ATPAF2: variants seen among roughly 807,000 people sequenced by gnomAD.
ATPAF2 encodes the protein ATP synthase mitochondrial F1 complex assembly factor 2, also known as ATP12 homolog.
In ATPAF2, 30 loss-of-function variants were observed where a neutral mutation model predicts 36.6. That is an observed-to-expected ratio of 0.82 (90% CI 0.61 to 1.11). ATPAF2 has a LOEUF of 1.11. Among genes scored for constraint, ATPAF2 ranks in the 50% most tolerant of loss-of-function variants. The probability of loss-of-function intolerance (pLI) is 0.00; values close to 1 mark genes in which losing one functional copy is unlikely to be tolerated. For synonymous variants in ATPAF2, 140 were observed against 152.6 expected, an observed-to-expected ratio of 0.92 and a Z score of 0.61; for missense variants, 321 against 372.3, an observed-to-expected ratio of 0.86 and a Z score of 1.13.
Position 18,028,672 on chromosome 17 carries a change from T to G in ATPAF2, c.134-13A>C, listed in dbSNP as rs1477690213. The G allele has an allele frequency of 8.1e-6, 13 of 1,612,900 alleles. No homozygotes were observed. In the Admixed American group the frequency reaches 1.0e-4, roughly 12 times the overall value. On this transcript the variant is annotated splice_polypyrimidine_tract_variant and intron_variant, in intron 1 of 7. Coordinates refer to ENST00000474627, the MANE Select transcript of ATPAF2 (RefSeq NM_145691.4). ...AACCTCTTCCTTTCTGTAAGAAAGA[T>G]TTTTCAAAGAGGCAGTTTAAAATAA...
At chr17:18,037,219 C>A (rs947174154) in intron 1 of ATPAF2, among the ~76,000 whole-genome samples, 2 of 152,192 alleles carry the variant, frequency 1.3e-5, no homozygotes, top group South Asian at 2.1e-4. Context: ...TGGCCCATTT[C>A]CAGGCCCTTC....
chr17:18,035,536 T>C (rs2044691376), intron 1 of ATPAF2, among the ~76,000 whole-genome samples: 1 of 152,228 alleles, frequency 6.6e-6, no homozygotes, highest in African/African-American at 2.4e-5. Flanking sequence ...GTATAGCAAG[T>C]AAATATCTCA....
At position 18,021,117 on chromosome 17, in the gene ATPAF2, C is replaced by T. The variant is rs1249374231; in HGVS notation, c.732+6G>A. ...GGGAGGCGGGACCTGAGGTGCTGCT[C>T]CTCACCTGGTACTCCTCCTCCAGGC... On this transcript the variant is annotated splice_donor_region_variant and intron_variant, in intron 7 of 7. Coordinates refer to ENST00000474627, the MANE Select transcript of ATPAF2 (RefSeq NM_145691.4). The T allele has an allele frequency of 5.0e-6, 8 of 1,611,344 alleles. No homozygotes were observed. Among genetic ancestry groups the T allele is most frequent in the Non-Finnish European group, 5.1e-6 (6 of 1,178,932 alleles).
At chr17:18,033,989 C>T (rs1009249561) in intron 1 of ATPAF2, among the ~76,000 whole-genome samples, 1 of 152,016 alleles carries the variant, frequency 6.6e-6, no homozygotes, top group Non-Finnish European at 1.5e-5. Context: ...CATGGTGGCA[C>T]GTGCCTGTAG....
chr17:18,026,279 G>GCCTCAAT, intron 4 of ATPAF2, 40 bp downstream of exon 4: 1 of 1,547,206 alleles, frequency 6.5e-7, no homozygotes, highest in Admixed American at 1.7e-5. Context: ...AGGAAAAATA[G>GCCTCAAT]CCTCAATCCA....
At chr17:18,018,010 T>G (rs1194113833), downstream of ATPAF2, 1 of 177,090 alleles carries the variant, frequency 5.6e-6, no homozygotes, top group African/African-American at 2.4e-5. Flanking sequence ...AACAACCAGC[T>G]TAGACCACAA....
At chr17:18,027,127 G>A (rs574804245) in intron 3 of ATPAF2, among the ~76,000 whole-genome samples, 43 of 151,890 alleles carry the variant, frequency 2.8e-4, no homozygotes, top group South Asian at 6.2e-4. Flanking sequence ...AGGCTGAGAC[G>A]GGAGAATCGC....
Position 18,018,370 on chromosome 17 carries a change from T to G in ATPAF2, c.*179A>C. 1 of 821,250 alleles carries G rather than the reference T, an allele frequency of 1.2e-6. No homozygotes were observed. Among genetic ancestry groups the G allele is most frequent in the Non-Finnish European group, 1.9e-6 (1 of 522,344 alleles). 50.9% of individuals were successfully genotyped at this position (821,250 alleles called of 1,614,324 possible). Reference sequence around the variant, plus strand: ...CAGGCCAGGGGCACCTGGGTTGAAATCAGGCTGACCTCCGGACAGCCGTAC... The same window carrying G: ...CAGGCCAGGGGCACCTGGGTTGAAAGCAGGCTGACCTCCGGACAGCCGTAC... On this transcript the variant is annotated 3_prime_UTR_variant, in exon 8 of 8. Transcript: ENST00000474627.
intron 1 of ATPAF2, among the ~76,000 whole-genome samples, chr17:18,032,578 T>G (rs1377529257): frequency 6.6e-6 from 1 of 152,192 alleles, no homozygotes; most frequent in Non-Finnish European, 1.5e-5. Context: ...CACTGACACT[T>G]GGAGGGGCAA....
intron 1 of ATPAF2, among the ~76,000 whole-genome samples, chr17:18,032,311 G>A (rs1043947450): frequency 3.3e-5 from 5 of 152,238 alleles, no homozygotes; most frequent in Non-Finnish European, 5.9e-5. Flanking sequence ...TCCTGGGACA[G>A]CCAGGTTTCC....
intron 1 of ATPAF2, 130 bp downstream of exon 1, chr17:18,038,751 A>G (rs2044743838): frequency 1.5e-6 from 2 of 1,343,760 alleles, no homozygotes; most frequent in Non-Finnish European, 2.1e-6. Flanking sequence ...ATCTGTAAAA[A>G]GACCTGACTG....
At chr17:18,024,534 G>T in intron 5 of ATPAF2, 90 bp downstream of exon 5, 1 of 1,068,062 alleles carries the variant, frequency 9.4e-7, no homozygotes, top group Non-Finnish European at 1.4e-6. Context: ...CTAGCTAAGG[G>T]CACTAGTTTT....
Position 18,021,184 on chromosome 17 carries a change from A to G in ATPAF2, c.671T>C (p.Ile224Thr), listed in dbSNP as rs1306863058. 2 of 1,614,020 alleles carry G rather than the reference A, an allele frequency of 1.2e-6. No homozygotes were observed. Among genetic ancestry groups the G allele is most frequent in the Non-Finnish European group, 8.5e-7 (1 of 1,180,002 alleles). The stretch of plus-strand genomic sequence containing the variant: ...CTGCTCCACTGTCAGGCGCAGGTCA[A>G]TCAGGCCCAAGGTTAGCACCATGGA... Reference protein sequence around the residue: ...LKSMVLTLGLIDLRLTVEQAV... With the variant: ...LKSMVLTLGLTDLRLTVEQAV... The change falls in exon 7 of 8, where the codon ATT becomes ACT. Residue 224 changes from isoleucine (I) to threonine (T), a missense_variant. Ile to Thr is a moderately conservative substitution (Grantham distance 89). This residue lies in a region of ATPAF2 where 199 missense variants were observed against 220.6 expected (regional missense o/e 0.90). Transcript: ENST00000474627.
At chr17:18,021,317 A>G in intron 6 of ATPAF2, 79 bp from the exon 7 acceptor site, 1 of 1,067,204 alleles carries the variant, frequency 9.4e-7, no homozygotes, top group Non-Finnish European at 1.4e-6. Context: ...CAGCAGCCCT[A>G]GCAGAGAACA....
downstream of ATPAF2, chr17:18,016,827 C>A: frequency 2.1e-6 from 1 of 483,382 alleles, no homozygotes; most frequent in Non-Finnish European, 3.7e-6. Context: ...GAAAAACTTC[C>A]AAAAGTAGAG....
intron 5 of ATPAF2, among the ~76,000 whole-genome samples, chr17:18,022,594 CTTTT>C (rs34473758): frequency 8.2e-6 from 1 of 121,392 alleles, no homozygotes; most frequent in Non-Finnish European, 1.8e-5. Context: ...TTTTTTCAAA[CTTTT>C]TTTTTTTTTT....
At chr17:18,024,488 C>T in intron 5 of ATPAF2, 136 bp downstream of exon 5, 1 of 768,838 alleles carries the variant, frequency 1.3e-6, no homozygotes, top group Non-Finnish European at 2.3e-6. Context: ...ATGAGGGGAG[C>T]CAAATCCCAC....
chr17:18,020,677 C>A (rs114721422), intron 7 of ATPAF2: 1 of 176,246 alleles, frequency 5.7e-6, no homozygotes, highest in Non-Finnish European at 1.2e-5. Flanking sequence ...TATTATCTTA[C>A]CTTTTTTTTT....
In ATPAF2 at chr17:18,039,014, C is replaced by A. The variant is rs886052665; in HGVS notation, c.-1G>T. ...GCAGCCGGAGGCAGCTCCTCCACAT[C>A]GCGCCCGAGGGTCTGGGAAGATGCG... On this transcript the variant is annotated 5_prime_UTR_variant, in exon 1 of 8. Transcript: ENST00000474627. The surrounding 1 kb of genome is among the most constrained non-coding windows in gnomAD (Gnocchi z 5.3). 56 of 1,599,390 alleles carry A rather than the reference C, an allele frequency of 3.5e-5. No individual in the cohort carries two copies. The highest frequency in any genetic ancestry group is 4.5e-5 in the Non-Finnish European group (53 of 1,172,994).
Sources: allele counts gnomAD v4.1 joint callset (sites outside exome capture counted in the v4.1 genomes callset), GRCh38; gene constraint gnomAD v4.1.1; regional missense constraint gnomAD v4.1.1; non-coding constraint Gnocchi (gnomAD v3.1); transcripts MANE v1.5; gene names NCBI Gene and HGNC (gene_info 2026-07-23, HGNC 2026-07-21).